Variants in SLC37A3 observed in about 807,000 individuals in gnomAD.
SLC37A3 encodes the protein solute carrier family 37 member 3.
In SLC37A3, 51 loss-of-function variants were observed where a neutral mutation model predicts 67.1. The ratio of observed to expected loss-of-function variants is 0.76; its 90% CI spans 0.61 to 0.96. The LOEUF (loss-of-function observed/expected upper bound fraction) is 0.96, where lower values mean the gene tolerates loss of function less well. Ranked by LOEUF, SLC37A3 falls within the 40% of genes least tolerant of loss-of-function variation. The pLI is 0.00. For missense variants in SLC37A3, 508 were observed against 603.0 expected (o/e 0.84, Z 1.65); for synonymous variants, 214 against 231.4 (o/e 0.92, Z 0.68).
rs118041208 is a variant in SLC37A3, at chr7:140,369,696, G to A, written c.199-14C>T. 4.1e-4 allele frequency: 654 copies of A among 1,609,000 alleles called. 6 individuals are homozygous for A. In the East Asian group the frequency reaches 0.01, roughly 25 times the overall value. ...GCTGCTCCAGATCTACAGTAAGACA[G>A]CAGGAACAGGTCAGTCCCTGTAGAA... On this transcript the variant is annotated splice_polypyrimidine_tract_variant and intron_variant, in intron 3 of 14. Transcript: ENST00000326232.
chr7:140,395,759 G>T (rs1420161435), intron 1 of SLC37A3, among the ~76,000 whole-genome samples: 1 of 151,930 alleles, frequency 6.6e-6, no homozygotes, highest in African/African-American at 2.4e-5. Flanking sequence ...AAACTCAGAG[G>T]TATATACCAA....
chr7:140,361,007 G>A (rs999427683), intron 5 of SLC37A3, among the ~76,000 whole-genome samples: 5 of 152,040 alleles, frequency 3.3e-5, no homozygotes, highest in East Asian at 3.9e-4. Flanking sequence ...CAAGCTAAGC[G>A]GCAGACTGTT....
At chr7:140,361,178 C>A (rs183774003) in intron 5 of SLC37A3, among the ~76,000 whole-genome samples, 2 of 132,914 alleles carry the variant, frequency 1.5e-5, no homozygotes, top group South Asian at 4.9e-4. Context: ...ACAAAAGCAC[C>A]GAGATAGAAA....
At chr7:140,341,496 A>C (rs1159100138) in intron 13 of SLC37A3, among the ~76,000 whole-genome samples, 1 of 152,130 alleles carries the variant, frequency 6.6e-6, no homozygotes, top group African/African-American at 2.4e-5. Flanking sequence ...CGGGGTAACA[A>C]AGTTATTCAG....
chr7:140,354,206 A>T (rs1362054897), intron 7 of SLC37A3, among the ~76,000 whole-genome samples: 1 of 152,180 alleles, frequency 6.6e-6, no homozygotes, highest in Non-Finnish European at 1.5e-5. Flanking sequence ...TAGATGCATC[A>T]TTTGCATGTG....
At chr7:140,352,353 T>C (rs1229022777) in intron 7 of SLC37A3, among the ~76,000 whole-genome samples, 1 of 152,124 alleles carries the variant, frequency 6.6e-6, no homozygotes, top group Non-Finnish European at 1.5e-5. Flanking sequence ...TCCTGGTGAT[T>C]GTATGAGGCT....
chr7:140,348,843 G>A (rs923678641), intron 9 of SLC37A3, 76 bp from the exon 10 acceptor site: 1 of 1,548,236 alleles, frequency 6.5e-7, no homozygotes, highest in Non-Finnish European at 8.8e-7. Flanking sequence ...TCATTTAAAA[G>A]CAAAACAAAA....
intron 3 of SLC37A3, among the ~76,000 whole-genome samples, chr7:140,377,913 A>G (rs1353421670): frequency 6.6e-6 from 1 of 152,020 alleles, no homozygotes; most frequent in Non-Finnish European, 1.5e-5. Flanking sequence ...TTAATGAGAG[A>G]GGCCTCTGGG....
intron 7 of SLC37A3, among the ~76,000 whole-genome samples, chr7:140,353,419 G>A (rs768296732): frequency 1.3e-5 from 2 of 151,740 alleles, no homozygotes; most frequent in African/African-American, 2.4e-5. Context: ...GGAGGTTGCG[G>A]TGAGCTGAGA....
At chr7:140,353,492 A>T (rs1299577889) in intron 7 of SLC37A3, among the ~76,000 whole-genome samples, 1 of 151,568 alleles carries the variant, frequency 6.6e-6, no homozygotes, top group African/African-American at 2.4e-5. Context: ...AAAAAAAAAG[A>T]AAGTACAGTA....
chr7:140,360,859 C>T (rs1432796424), intron 5 of SLC37A3, among the ~76,000 whole-genome samples: 1 of 152,120 alleles, frequency 6.6e-6, no homozygotes, highest in East Asian at 1.9e-4. Context: ...GCCCATCTCC[C>T]TCTGAAGCTC....
rs906491553 is a variant in SLC37A3, at chr7:140,398,425, G to C, written c.-80C>G. ...ATCACCGCTTGCGCACCCGAGATCC[G>C]CAGTGGTCGCCGCTCTCCAGCCCCG... On this transcript the variant is annotated 5_prime_UTR_variant, in exon 1 of 15. Coordinates refer to ENST00000326232, the MANE Select transcript of SLC37A3 (RefSeq NM_207113.3). The C allele has an allele frequency of 6.6e-5, 10 of 152,224 alleles. No individual in the cohort carries two copies. Among genetic ancestry groups the C allele is most frequent in the Admixed American group, 2.0e-4 (3 of 15,250 alleles). The allele number at this position is 152,224 out of a possible 1,614,324, so 9.4% of individuals were successfully genotyped here. A position where few individuals can be genotyped will look rare whatever the true frequency, so the allele number is the denominator to read the frequency against.
chr7:140,374,022 A>AT (rs1797925239), intron 3 of SLC37A3, among the ~76,000 whole-genome samples: 1 of 152,196 alleles, frequency 6.6e-6, no homozygotes, highest in Non-Finnish European at 1.5e-5. Flanking sequence ...ACTCCAATGT[A>AT]TTTTTTAAAT....
intron 13 of SLC37A3, 122 bp downstream of exon 13, chr7:140,343,290 G>T: frequency 1.5e-6 from 2 of 1,370,890 alleles, no homozygotes; most frequent in Non-Finnish European, 2.0e-6. Flanking sequence ...GAAGTCCTTG[G>T]GCTCTGGGAA....
At chr7:140,381,602 C>CA (rs1047302755) in intron 2 of SLC37A3, among the ~76,000 whole-genome samples, 1 of 151,834 alleles carries the variant, frequency 6.6e-6, no homozygotes, top group Admixed American at 6.6e-5. Flanking sequence ...GCAGAAATGT[C>CA]AAAAAAAGCT....
At chr7:140,372,842 G>A (rs1291347772) in intron 3 of SLC37A3, among the ~76,000 whole-genome samples, 1 of 151,132 alleles carries the variant, frequency 6.6e-6, no homozygotes, top group Admixed American at 6.6e-5. Flanking sequence ...CAGCCTGGGT[G>A]ACAGAGTGAG....
At position 140,364,454 on chromosome 7, in the gene SLC37A3, T is replaced by A; in HGVS notation, c.329A>T (p.Asn110Ile). The change falls in exon 5 of 15, where the codon AAT becomes ATT. Residue 110 changes from asparagine (N) to isoleucine (I), a missense_variant. Asn to Ile is a moderately radical substitution (Grantham distance 149). Transcript: ENST00000326232. ...GCCAAAAGACAGAACCCATCGCAAA[T>A]TCAACCGATCCCCAACGATGCCACT... ...FISGIVGDRLNLRWVLSFGMC... is the reference protein window; with the variant it reads ...FISGIVGDRLILRWVLSFGMC... The A allele has an allele frequency of 6.2e-7, 1 of 1,613,776 alleles. No individual in the cohort carries two copies. Among genetic ancestry groups the A allele is most frequent in the Non-Finnish European group, 8.5e-7 (1 of 1,179,926 alleles).
chr7:140,362,011 A>C, intron 5 of SLC37A3, among the ~76,000 whole-genome samples: 3 of 111,710 alleles, frequency 2.7e-5, no homozygotes, highest in Admixed American at 1.7e-4. Context: ...CTGGCCCCCC[A>C]TCGTCTGGGA....
In SLC37A3 at chr7:140,361,944, G is replaced by A. The variant is rs532120563; in HGVS notation, c.375+2464C>T. On this transcript the variant is annotated intron_variant, in intron 5 of 14. Transcript: ENST00000326232. Reference sequence around the variant, plus strand: ...GCCTGCCTTGGCCCCCCAAAGTGCCGAGATTGCAGCCTCTGCCCAGCCGCC... The same window carrying A: ...GCCTGCCTTGGCCCCCCAAAGTGCCAAGATTGCAGCCTCTGCCCAGCCGCC... 5.3e-3 allele frequency among the ~76,000 whole-genome samples: 766 copies of A among 143,852 alleles called. 3 individuals carry two copies. The highest frequency in any genetic ancestry group is 0.018 in the Middle Eastern group (5 of 284). The allele number at this position is 143,852 out of a possible 152,430, so 94.4% of individuals were successfully genotyped here. A position where few individuals can be genotyped will look rare whatever the true frequency, so the allele number is the denominator to read the frequency against.
Sources: allele counts gnomAD v4.1 joint callset (sites outside exome capture counted in the v4.1 genomes callset), GRCh38; gene constraint gnomAD v4.1.1; transcripts MANE v1.5; gene names NCBI Gene and HGNC (gene_info 2026-07-23, HGNC 2026-07-21).